Variants in SLCO2B1 observed in about 807,000 individuals in gnomAD.
The protein encoded by SLCO2B1 is OATP-RP2.
Under a neutral mutation model 67.3 loss-of-function variants are expected in SLCO2B1, and 41 were observed. The observed-to-expected ratio is 0.61, with a 90% CI of 0.47 to 0.79. The LOEUF (loss-of-function observed/expected upper bound fraction) is 0.79. Ranked by LOEUF, SLCO2B1 falls within the 30% of genes least tolerant of loss-of-function variation. The pLI is 0.00. For synonymous variants in SLCO2B1, 379 were observed against 381.4 expected (o/e 0.99, Z 0.07); for missense variants, 837 against 920.1 (o/e 0.91, Z 1.17).
intron 7 of SLCO2B1, among the ~76,000 whole-genome samples, chr11:75,176,303 G>A (rs1318836306): frequency 2.0e-5 from 3 of 151,866 alleles, no homozygotes; most frequent in African/African-American, 7.3e-5. Context: ...CTGGGTCAGG[G>A]GCTCAGAGGG....
chr11:75,162,863 G>C, intron 2 of SLCO2B1, 78 bp downstream of exon 2: 1 of 1,503,298 alleles, frequency 6.7e-7, no homozygotes. Flanking sequence ...TAATGCCAAG[G>C]AAGACTTTCT....
At chr11:75,172,793 G>T (rs1949979947) in intron 7 of SLCO2B1, among the ~76,000 whole-genome samples, 1 of 152,168 alleles carries the variant, frequency 6.6e-6, no homozygotes, top group Non-Finnish European at 1.5e-5. Context: ...GCCGGGCATG[G>T]TGGTGGGCAC....
intron 6 of SLCO2B1, among the ~76,000 whole-genome samples, chr11:75,171,778 G>A (rs1949963350): frequency 6.6e-6 from 1 of 152,188 alleles, no homozygotes; most frequent in Non-Finnish European, 1.5e-5. Context: ...ACCCCACTCT[G>A]TGGTCATTCT....
intron 7 of SLCO2B1, among the ~76,000 whole-genome samples, chr11:75,177,416 C>T (rs1226523943): frequency 6.6e-6 from 1 of 152,164 alleles, no homozygotes; most frequent in African/African-American, 2.4e-5. Flanking sequence ...GTGTCTAAGG[C>T]ATCCTGCAGT....
chr11:75,177,130 G>A lies in SLCO2B1; in HGVS notation c.972+4561G>A, dbSNP rs540246038. Among the ~76,000 whole-genome samples the A allele has an allele frequency of 1.9e-4, 29 of 152,154 alleles. 1 individual carries two copies. The highest frequency in any genetic ancestry group is 3.4e-3 in the Middle Eastern group (1 of 294). On this transcript the variant is annotated intron_variant, in intron 7 of 13. Transcript: ENST00000289575. ...CCCAAGGGTACCACCATAGGGAGGA[G>A]GAGGAGGGGCATCACCGAGCAGGGC...
At chr11:75,203,086 T>C in intron 12 of SLCO2B1, 121 bp downstream of exon 12, 1 of 1,172,318 alleles carries the variant, frequency 8.5e-7, no homozygotes, top group South Asian at 1.2e-5. Context: ...CACAAGCTCA[T>C]GGGGTGACAG....
intron 6 of SLCO2B1, among the ~76,000 whole-genome samples, chr11:75,171,642 G>A (rs1424643150): frequency 6.6e-6 from 1 of 152,184 alleles, no homozygotes; most frequent in African/African-American, 2.4e-5. Context: ...TAAGAAGTAT[G>A]ACGGGAGCTT....
chr11:75,164,813 C>T (rs180856032), intron 3 of SLCO2B1, among the ~76,000 whole-genome samples: 44 of 152,314 alleles, frequency 2.9e-4, no homozygotes, highest in Non-Finnish European at 5.4e-4. Context: ...GCACCCGCCT[C>T]ATAGGTGGGA....
intron 6 of SLCO2B1, among the ~76,000 whole-genome samples, chr11:75,172,055 C>A (rs1034077027): frequency 1.3e-5 from 2 of 152,164 alleles, no homozygotes; most frequent in African/African-American, 4.8e-5. Flanking sequence ...TCACAAAGGA[C>A]AAAAACTGAG....
intron 10 of SLCO2B1, among the ~76,000 whole-genome samples, 171 bp downstream of exon 10, chr11:75,196,850 C>T (rs527831676): frequency 6.6e-6 from 1 of 152,208 alleles, no homozygotes; most frequent in Non-Finnish European, 1.5e-5. Flanking sequence ...CTTTCACTGG[C>T]CAGGAGCAGT....
chr11:75,184,631 A>G lies in SLCO2B1; in HGVS notation c.973-3505A>G, dbSNP rs942445547. 1.3e-4 allele frequency among the ~76,000 whole-genome samples: 20 copies of G among 152,252 alleles called. 3 individuals are homozygous for G. Among genetic ancestry groups the G allele is most frequent in the Admixed American group, 9.8e-4 (15 of 15,294 alleles). On this transcript the variant is annotated intron_variant, in intron 7 of 13. Transcript: ENST00000289575. ...ATGGTTCCCTTACCATGCTTGGAGC[A>G]GAGTCTTGGTGAGGCTGGGAACCTA... is the stretch of plus-strand genomic sequence containing the variant.
chr11:75,189,320 G>A lies in SLCO2B1; in HGVS notation c.1075+1082G>A, dbSNP rs985619132. Among the ~76,000 whole-genome samples the A allele has an allele frequency of 7.2e-5, 11 of 152,296 alleles. No homozygotes were observed. In the South Asian group the frequency reaches 2.3e-3, roughly 32 times the overall value. On this transcript the variant is annotated intron_variant, in intron 8 of 13. Transcript: ENST00000289575. ...ACAGTGACCAGTGTATAATCTTAAA[G>A]AAGTTAGTTTCCTTTTCTAAATTGA...
At chr11:75,170,870 C>T (rs947346393) in intron 6 of SLCO2B1, among the ~76,000 whole-genome samples, 15 of 152,180 alleles carry the variant, frequency 9.9e-5, no homozygotes, top group African/African-American at 3.4e-4. Flanking sequence ...TGTTTTCTGA[C>T]TCTGTTGACA....
intron 1 of SLCO2B1, among the ~76,000 whole-genome samples, chr11:75,158,925 C>A (rs897933688): frequency 3.3e-5 from 5 of 152,196 alleles, no homozygotes; most frequent in African/African-American, 1.2e-4. Flanking sequence ...TGCAGTCAGG[C>A]TGGTCTCTGA....
intron 4 of SLCO2B1, 90 bp downstream of exon 4, chr11:75,166,039 G>A: frequency 1.4e-6 from 2 of 1,453,250 alleles, no homozygotes; most frequent in South Asian, 1.3e-5. Context: ...CATCTGGCAG[G>A]ATACACCCCA....
At chr11:75,175,375 A>G (rs1753682722) in intron 7 of SLCO2B1, among the ~76,000 whole-genome samples, 1 of 152,112 alleles carries the variant, frequency 6.6e-6, no homozygotes, top group African/African-American at 2.4e-5. Flanking sequence ...TGGCTGCCAG[A>G]AAGTCCAGGC....
Position 75,169,160 on chromosome 11 carries a change from TGTC to T in SLCO2B1, c.449-9_449-7del, listed in dbSNP as rs1274824877. ...AGCTATTGTTATAATATTTTTTCAT[TGTC>T]GTCTCTCAGAGGATATGCCACAGGA... On this transcript the variant is annotated splice_polypyrimidine_tract_variant and intron_variant, in intron 4 of 13. Coordinates refer to ENST00000289575, the MANE Select transcript of SLCO2B1 (RefSeq NM_007256.5). 1.3e-6 allele frequency: 2 copies of T among 1,596,550 alleles called. No homozygotes were observed. Among genetic ancestry groups the T allele is most frequent in the South Asian group, 2.2e-5 (2 of 90,378 alleles).
intron 1 of SLCO2B1, 31 bp downstream of exon 1, chr11:75,151,428 G>GGA: frequency 1.2e-6 from 2 of 1,613,004 alleles, no homozygotes; most frequent in Non-Finnish European, 1.7e-6. Context: ...GAAGGGCCAT[G>GGA]GAGAGCAAGC....
intron 7 of SLCO2B1, among the ~76,000 whole-genome samples, chr11:75,178,095 A>G (rs1397328126): frequency 8.8e-5 from 13 of 146,948 alleles, no homozygotes; most frequent in Non-Finnish European, 1.6e-4. Context: ...TTCCATCTCA[A>G]AAAAAAAAAA....
Sources: allele counts gnomAD v4.1 joint callset (sites outside exome capture counted in the v4.1 genomes callset), GRCh38; gene constraint gnomAD v4.1.1; transcripts MANE v1.5; gene names NCBI Gene and HGNC (gene_info 2026-07-23, HGNC 2026-07-21).